Variants in TTC27 observed in about 807,000 individuals in gnomAD.
TTC27 encodes the protein tetratricopeptide repeat domain 27.
In TTC27, 79 loss-of-function variants were observed where a neutral mutation model predicts 115.9. The observed-to-expected ratio is 0.68, with a 90% CI of 0.57 to 0.82. The LOEUF (loss-of-function observed/expected upper bound fraction) is 0.82, where lower values mean the gene tolerates loss of function less well. Ranked by LOEUF, TTC27 falls within the 40% of genes least tolerant of loss-of-function variation. The pLI, the probability that TTC27 is intolerant of heterozygous loss-of-function variation, is 0.00. For missense variants in TTC27, 1,054 were observed against 993.1 expected (o/e 1.06, Z -0.82); for synonymous variants, 401 against 356.0 (o/e 1.13, Z -1.42).
chr2:32,814,652 A>T (rs1172718113), intron 18 of TTC27, among the ~76,000 whole-genome samples: 2 of 152,166 alleles, frequency 1.3e-5, no homozygotes. Context: ...ATATTGTAAA[A>T]CCATATTTTT....
At chr2:32,724,693 A>G (rs1244218918) in intron 10 of TTC27, among the ~76,000 whole-genome samples, 1 of 152,212 alleles carries the variant, frequency 6.6e-6, no homozygotes, top group Non-Finnish European at 1.5e-5. Flanking sequence ...TTTTTGCTTG[A>G]AAGGACTATT....
intron 9 of TTC27, among the ~76,000 whole-genome samples, chr2:32,682,857 T>TTTTTG (rs1666488684): frequency 1.7e-5 from 2 of 116,950 alleles, no homozygotes; most frequent in Non-Finnish European, 3.6e-5. Flanking sequence ...GTTTTTTTTT[T>TTTTTG]TTTTTTTTTT....
rs747582432 is a variant in TTC27, at chr2:32,640,386, A to T, written c.513A>T (p.Val171=). Residue 171 remains valine (V), a synonymous_variant, in exon 4 of 20, where the codon GTA becomes GTT. Transcript: ENST00000317907. ...TAGCACGCATTATCCTAGTGAATGT[A>T]AGACATAAACTGACAGCTATTCAGG... ...LLLARIILVN[V]RHKLTAIQSL... 5.6e-6 allele frequency: 9 copies of T among 1,613,876 alleles called. No homozygotes were observed. The highest frequency in any genetic ancestry group is 6.8e-6 in the Non-Finnish European group (8 of 1,179,986).
chr2:32,724,689 C>A (rs1427816731), intron 10 of TTC27, among the ~76,000 whole-genome samples: 1 of 152,102 alleles, frequency 6.6e-6, no homozygotes, highest in African/African-American at 2.4e-5. Context: ...ATTATTTTTG[C>A]TTGAAAGGAC....
intron 8 of TTC27, 85 bp from the exon 9 acceptor site, chr2:32,678,771 A>G (rs1666316295): frequency 3.3e-6 from 3 of 921,752 alleles, no homozygotes; most frequent in Admixed American, 2.4e-5. Flanking sequence ...AAAATATAGC[A>G]GTTTACTTTG....
chr2:32,788,630 A>C (rs1670426067), intron 16 of TTC27, among the ~76,000 whole-genome samples: 1 of 152,132 alleles, frequency 6.6e-6, no homozygotes. Flanking sequence ...TTCCCCTCTA[A>C]ATCTATACTT....
chr2:32,692,995 TA>T (rs1306828803), intron 9 of TTC27, among the ~76,000 whole-genome samples: 40 of 151,574 alleles, frequency 2.6e-4, no homozygotes, highest in African/African-American at 9.0e-4. Context: ...AAAAAATCTA[TA>T]AAACATAATT....
chr2:32,639,731 C>CAGA (rs1157797563), intron 3 of TTC27, among the ~76,000 whole-genome samples: 3 of 152,148 alleles, frequency 2.0e-5, no homozygotes, highest in Non-Finnish European at 4.4e-5. Context: ...ATGCCAGGCG[C>CAGA]AGAAGCTTTC....
In TTC27 at chr2:32,777,920, C is replaced by T. The variant is rs1670051658; in HGVS notation, c.1719C>T (p.Ala573=). 1.2e-6 allele frequency: 2 copies of T among 1,613,940 alleles called. No homozygotes were observed. The highest frequency in any genetic ancestry group is 2.7e-5 in the African/African-American group (2 of 74,968). Residue 573 remains alanine (A), a synonymous_variant, in exon 14 of 20, where the codon GCC becomes GCT. Coordinates refer to ENST00000317907, the MANE Select transcript of TTC27 (RefSeq NM_017735.5). ...TTTCTCTCGGTTGTGCCTATTTGGC[C>T]TTGGAAGACTATCAAGGTTCAGCAA... ...VWFSLGCAYL[A]LEDYQGSAKA...
intron 14 of TTC27, among the ~76,000 whole-genome samples, chr2:32,778,405 A>T (rs554135022): frequency 1.5e-4 from 23 of 152,288 alleles, no homozygotes; most frequent in Admixed American, 2.0e-4. Context: ...TATAGTTAGA[A>T]TTGTGCAACC....
intron 13 of TTC27, among the ~76,000 whole-genome samples, chr2:32,773,864 C>G (rs1669908290): frequency 6.6e-6 from 1 of 152,154 alleles, no homozygotes; most frequent in Non-Finnish European, 1.5e-5. Flanking sequence ...GGGAAGGATG[C>G]AAGGTATTCC....
intron 4 of TTC27, among the ~76,000 whole-genome samples, chr2:32,642,620 A>G (rs1559183523): frequency 6.6e-6 from 1 of 151,998 alleles, no homozygotes; most frequent in Admixed American, 6.6e-5. Context: ...CATGAGAGCC[A>G]GAGGATTTGG....
At chr2:32,672,248 G>C in intron 7 of TTC27, 24 bp from the exon 8 acceptor site, 2 of 1,564,606 alleles carry the variant, frequency 1.3e-6, no homozygotes, top group Non-Finnish European at 1.8e-6. Flanking sequence ...TTTGGTCTAA[G>C]TATTTTCTTT....
intron 3 of TTC27, among the ~76,000 whole-genome samples, chr2:32,639,250 G>A (rs2151862426): frequency 6.6e-6 from 1 of 152,334 alleles, no homozygotes; most frequent in East Asian, 1.9e-4. Flanking sequence ...TCCTGTGCAT[G>A]TGACATTGGA....
intron 10 of TTC27, among the ~76,000 whole-genome samples, chr2:32,730,627 T>TC (rs1668262203): frequency 1.3e-5 from 2 of 151,642 alleles, no homozygotes; most frequent in Non-Finnish European, 1.5e-5. Flanking sequence ...TCTTATTTTT[T>TC]TTTTTTTTTT....
At chr2:32,721,188 A>G (rs1038847739) in intron 10 of TTC27, among the ~76,000 whole-genome samples, 6 of 152,228 alleles carry the variant, frequency 3.9e-5, no homozygotes, top group African/African-American at 1.4e-4. Flanking sequence ...TAATGGACAA[A>G]TAGAATTTAG....
At chr2:32,646,864 C>CTA (rs1338804738) in intron 4 of TTC27, among the ~76,000 whole-genome samples, 1 of 151,442 alleles carries the variant, frequency 6.6e-6, no homozygotes, top group Non-Finnish European at 1.5e-5. Flanking sequence ...CGCCCGGCCT[C>CTA]TATATTTGTT....
intron 13 of TTC27, 59 bp from the exon 14 acceptor site, chr2:32,777,823 G>T (rs1572604362): frequency 1.3e-6 from 2 of 1,528,762 alleles, no homozygotes; most frequent in East Asian, 2.3e-5. Context: ...ATAATTTTCA[G>T]ATTACATTCT....
chr2:32,697,796 GGCTGGAGT>G (rs1667043871), intron 9 of TTC27, among the ~76,000 whole-genome samples: 1 of 151,996 alleles, frequency 6.6e-6, no homozygotes, highest in Admixed American at 6.6e-5. Flanking sequence ...CTGTCACTCA[GGCTGGAGT>G]GCAGTGGAAT....
Sources: allele counts gnomAD v4.1 joint callset (sites outside exome capture counted in the v4.1 genomes callset), GRCh38; gene constraint gnomAD v4.1.1; transcripts MANE v1.5; gene names NCBI Gene and HGNC (gene_info 2026-07-23, HGNC 2026-07-21).